The following CRB1 variants were observed in gnomAD, a reference collection of about 807,000 sequenced individuals.
CRB1 encodes the protein protein crumbs homolog 1.
A neutral mutation model predicts 120.0 loss-of-function variants in CRB1; 83 were observed. The ratio of observed to expected loss-of-function variants is 0.69; its 90% CI spans 0.58 to 0.83. The LOEUF (loss-of-function observed/expected upper bound fraction) is 0.83, where lower values mean the gene tolerates loss of function less well. Among genes scored for constraint, CRB1 ranks in the 40% least tolerant of loss-of-function variants. The pLI is 0.00. For missense variants in CRB1, 1,699 were observed against 1,687.6 expected, an observed-to-expected ratio of 1.01 and a Z score of -0.12; for synonymous variants, 625 against 612.5, an observed-to-expected ratio of 1.02 and a Z score of -0.30.
chr1:197,370,418 T>C (rs983113430), intron 5 of CRB1, among the ~76,000 whole-genome samples: 1 of 152,096 alleles, frequency 6.6e-6, no homozygotes, highest in Admixed American at 6.6e-5. Flanking sequence ...AGATAGACCA[T>C]ATGATAGGCC....
chr1:197,419,010 T>C (rs1236038332), intron 5 of CRB1, among the ~76,000 whole-genome samples: 1 of 152,236 alleles, frequency 6.6e-6, no homozygotes, highest in Non-Finnish European at 1.5e-5. Flanking sequence ...TACTACTTTT[T>C]AGTATTGGCC....
chr1:197,341,913 G>A (rs2125324582), intron 2 of CRB1, among the ~76,000 whole-genome samples: 1 of 152,300 alleles, frequency 6.6e-6, no homozygotes, highest in East Asian at 1.9e-4. Context: ...AGTTTTAAAA[G>A]GATGGCTTCC....
At chr1:197,285,521 T>C (rs1479444795) in intron 1 of CRB1, among the ~76,000 whole-genome samples, 6 of 151,940 alleles carry the variant, frequency 3.9e-5, no homozygotes, top group African/African-American at 1.4e-4. Context: ...AGTTCGATTT[T>C]ATTACTTTTA....
rs184351822 is a variant in CRB1 at position 197,465,770 on chromosome 1, G to T, written c.4006-11894G>T. 2.6e-4 allele frequency among the ~76,000 whole-genome samples: 40 copies of T among 152,262 alleles called. 1 individual carries two copies. Among genetic ancestry groups the T allele is most frequent in the Admixed American group, 1.6e-3 (24 of 15,282 alleles). On this transcript the variant is annotated intron_variant, in intron 11 of 11. Transcript: ENST00000367400. Reference sequence around the variant, plus strand: ...TTCGAAACTGAAAGTCTGATAATTTGATGTAAACTGACAGTGACAATAGAA... The same window carrying T: ...TTCGAAACTGAAAGTCTGATAATTTTATGTAAACTGACAGTGACAATAGAA...
intron 1 of CRB1, among the ~76,000 whole-genome samples, chr1:197,309,400 C>T (rs1558044059): frequency 6.6e-6 from 1 of 152,094 alleles, no homozygotes; most frequent in Non-Finnish European, 1.5e-5. Context: ...ATTCTTTTCT[C>T]CTTTCGTTTC....
chr1:197,390,707 C>T (rs572572744), intron 5 of CRB1, among the ~76,000 whole-genome samples: 247 of 152,026 alleles, frequency 1.6e-3, no homozygotes, highest in Non-Finnish European at 2.4e-3. Flanking sequence ...ATTTTAAAGA[C>T]GTGAATTTTT....
chr1:197,475,576 C>T (rs1558166864), intron 11 of CRB1, among the ~76,000 whole-genome samples: 1 of 152,196 alleles, frequency 6.6e-6, no homozygotes. Context: ...ATCTCCCATC[C>T]TCCACCCTGT....
chr1:197,354,636 A>C (rs1660333385), intron 4 of CRB1, among the ~76,000 whole-genome samples: 1 of 152,024 alleles, frequency 6.6e-6, no homozygotes, highest in South Asian at 2.1e-4. Flanking sequence ...TCAGGAGTGA[A>C]GCTGCAGACC....
chr1:197,345,854 T>C (rs2125330752), intron 3 of CRB1, among the ~76,000 whole-genome samples: 1 of 152,272 alleles, frequency 6.6e-6, no homozygotes, highest in East Asian at 1.9e-4. Context: ...TTTTAAAATA[T>C]AACTTTTAAT....
the CRB1 span, among the ~76,000 whole-genome samples, chr1:197,219,872 A>G: frequency 6.6e-6 from 1 of 152,184 alleles, no homozygotes; most frequent in African/African-American, 2.4e-5. Context: ...GTGTAGTACT[A>G]TCTCTGTGTC....
chr1:197,260,942 G>T, the CRB1 span, among the ~76,000 whole-genome samples: 1 of 152,038 alleles, frequency 6.6e-6, no homozygotes, highest in Admixed American at 6.6e-5. Flanking sequence ...TGATCCACCC[G>T]CCTTGGCCTC....
the CRB1 span, among the ~76,000 whole-genome samples, chr1:197,225,932 C>T: frequency 6.6e-6 from 1 of 152,174 alleles, no homozygotes; most frequent in East Asian, 1.9e-4. Flanking sequence ...ACGGTAATCG[C>T]ACTCTGTCAC....
rs752417635 is a variant in CRB1 at position 197,442,289 on chromosome 1, G to A, written c.4002G>A (p.Val1334=). The change falls in exon 11 of 12, where the codon GTG becomes GTA. Residue 1334 remains valine (V), a synonymous_variant. Transcript: ENST00000367400. ...CCTTTGCTGGCGAGCGCTGCGAGGTGGACGTAAGCAGCCTCTCCTTTTATG... is the reference window on the plus strand; with the variant it reads ...CCTTTGCTGGCGAGCGCTGCGAGGTAGACGTAAGCAGCCTCTCCTTTTATG... ...DVAFAGERCE[V]DLADDLISDI... 1.7e-5 allele frequency: 27 copies of A among 1,614,078 alleles called. No individual in the cohort carries two copies. In the South Asian group the frequency reaches 2.2e-4, roughly 13 times the overall value.
At chr1:197,203,422 C>T in the CRB1 span, among the ~76,000 whole-genome samples, 3 of 152,220 alleles carry the variant, frequency 2.0e-5, no homozygotes, top group South Asian at 6.2e-4. Flanking sequence ...CGGGTTTAAG[C>T]AATTCTCCTG....
intron 1 of CRB1, among the ~76,000 whole-genome samples, chr1:197,325,681 C>T (rs12065229): frequency 2.6e-5 from 4 of 152,224 alleles, no homozygotes; most frequent in African/African-American, 9.6e-5. Context: ...GCAGCGACTT[C>T]CCCAAGTCCC....
Position 197,268,344 on chromosome 1 carries a change from CAG to C in CRB1, c.-68_-67del. On this transcript the variant is annotated 5_prime_UTR_variant, in exon 1 of 12. Transcript: ENST00000367400. ...GGCACCCGCTCCTCTCTGAGACAGA[CAG>C]GGATCAGGAGCCGGACTGGGACCAG... 8.8e-7 allele frequency: 1 copy of C among 1,132,726 alleles called. No homozygotes were observed. The highest frequency in any genetic ancestry group is 1.3e-6 in the Non-Finnish European group (1 of 741,518). The allele number at this position is 1,132,726 out of a possible 1,614,324, so 70.2% of individuals were successfully genotyped here. A position where few individuals can be genotyped will look rare whatever the true frequency, so the allele number is the denominator to read the frequency against.
At chr1:197,440,095 A>T (rs1003965703) in intron 10 of CRB1, 2 of 152,156 alleles carry the variant, frequency 1.3e-5, no homozygotes, top group Non-Finnish European at 2.9e-5. Context: ...GTTGTATTCC[A>T]ATTCCATGTA....
At chr1:197,346,089 G>C (rs1659756432) in intron 3 of CRB1, among the ~76,000 whole-genome samples, 2 of 152,080 alleles carry the variant, frequency 1.3e-5, no homozygotes, top group Admixed American at 1.3e-4. Flanking sequence ...GATTCCAATG[G>C]AAATGTAAAC....
intron 1 of CRB1, among the ~76,000 whole-genome samples, chr1:197,271,833 G>A (rs1382830762): frequency 2.0e-5 from 3 of 151,900 alleles, no homozygotes; most frequent in Non-Finnish European, 2.9e-5. Context: ...ATAAATTTGG[G>A]GGTAAACAAT....
Sources: allele counts gnomAD v4.1 joint callset (sites outside exome capture counted in the v4.1 genomes callset), GRCh38; gene constraint gnomAD v4.1.1; transcripts MANE v1.5; gene names NCBI Gene and HGNC (gene_info 2026-07-23, HGNC 2026-07-21).